The following PCDH12 variants were observed in gnomAD, a reference collection of about 807,000 sequenced individuals.
PCDH12 encodes protocadherin-12.
PCDH12 carries 45 observed loss-of-function variants against 70.9 expected under a neutral mutation model. That is an observed-to-expected ratio of 0.63 (90% CI 0.50 to 0.81). The LOEUF is 0.81. PCDH12 is among the 40% of genes least tolerant of loss of function. The pLI, the probability that PCDH12 is intolerant of heterozygous loss-of-function variation, is 0.00. For missense variants in PCDH12, 1,370 were observed against 1,491.7 expected (o/e 0.92, Z 1.34); for synonymous variants, 567 against 626.0 (o/e 0.91, Z 1.41).
At position 141,956,000 on chromosome 5, in the gene PCDH12, A is replaced by G; in HGVS notation, c.1852T>C (p.Leu618=). 6.2e-7 allele frequency: 1 copy of G among 1,614,122 alleles called. No individual in the cohort carries two copies. Among genetic ancestry groups the G allele is most frequent in the Middle Eastern group, 1.6e-4 (1 of 6,062 alleles). ...LATHSSRPFL[L]TTIVARDADS... ...GCATCTCTTGCCACAATGGTTGTCA[A>G]AAGGAATGGCCGGGAGCTGTGAGTG... Residue 618 remains leucine (L), a synonymous_variant, in exon 1 of 4, where the codon TTG becomes CTG. Transcript: ENST00000231484. The surrounding 1 kb of genome is among the most constrained non-coding windows in gnomAD (Gnocchi z 5.5).
Position 141,955,687 on chromosome 5 carries a change from A to G in PCDH12, c.2165T>C (p.Leu722Pro), listed in dbSNP as rs749447570. The stretch of plus-strand genomic sequence containing the variant: ...CCCGAAGATGCCCAACAGTACAGCC[A>G]GGCAGATCACCGTCAGCATCGACAT... Reference protein sequence around the residue: ...LSMSMLTVICLAVLLGIFGLI... With the variant: ...LSMSMLTVICPAVLLGIFGLI... Residue 722 changes from leucine to proline, a missense_variant, in exon 1 of 4, where the codon CTG (leucine) becomes CCG (proline). By Grantham distance (98) the Leu-to-Pro change is moderately conservative. Coordinates refer to ENST00000231484, the MANE Select transcript of PCDH12 (RefSeq NM_016580.4). The surrounding 1 kb of genome is among the most constrained non-coding windows in gnomAD (Gnocchi z 5.5). 6.8e-6 allele frequency: 11 copies of G among 1,614,142 alleles called. No individual in the cohort carries two copies. Among genetic ancestry groups the G allele is most frequent in the Admixed American group, 1.7e-5 (1 of 60,020 alleles).
At chr5:141,948,297 G>A (rs1346766861) in intron 3 of PCDH12, among the ~76,000 whole-genome samples, 3 of 152,164 alleles carry the variant, frequency 2.0e-5, no homozygotes, top group Non-Finnish European at 4.4e-5. Flanking sequence ...CACATAGAAA[G>A]TGCCCAATAA....
In PCDH12 at chr5:141,945,468, T is replaced by G; in HGVS notation, c.3468A>C (p.Ser1156=). Residue 1156 remains serine, a synonymous_variant, in exon 4 of 4, where the codon TCA becomes TCC. Coordinates refer to ENST00000231484, the MANE Select transcript of PCDH12 (RefSeq NM_016580.4). ...LSLDLATSAA[S]GMKVQGDPGG... ...CTGGGTCCCCTTGCACTTTCATGCCTGAGGCTGCACTGGTGGCCAAGTCTA... is the reference window on the plus strand; with the variant it reads ...CTGGGTCCCCTTGCACTTTCATGCCGGAGGCTGCACTGGTGGCCAAGTCTA... 8 of 1,613,170 alleles carry G rather than the reference T, an allele frequency of 5.0e-6. No individual in the cohort carries two copies. Among genetic ancestry groups the G allele is most frequent in the Non-Finnish European group, 6.8e-6 (8 of 1,179,604 alleles).
chr5:141,946,114 C>T (rs923376487), intron 3 of PCDH12, among the ~76,000 whole-genome samples: 1 of 152,276 alleles, frequency 6.6e-6, no homozygotes, highest in South Asian at 2.1e-4. Flanking sequence ...TTTCCAGTCT[C>T]AGTGTCTTCT....
Position 141,949,670 on chromosome 5 carries a change from C to G in PCDH12, c.2979-87G>C, listed in dbSNP as rs919263122. The G allele has an allele frequency of 4.7e-6, 7 of 1,496,018 alleles. No homozygotes were observed. The Admixed American group carries it at 6.0e-5, about 13-fold the overall frequency. 92.7% of individuals were successfully genotyped at this position (1,496,018 alleles called of 1,614,324 possible). A position where few individuals can be genotyped will look rare whatever the true frequency, so the allele number is the denominator to read the frequency against. ...GCCCATTCATGTTTGCATTCATTTA[C>G]CCATATAGGGAACTGGATACACAGC... On this transcript the variant is annotated intron_variant, in intron 2 of 3. Coordinates refer to ENST00000231484, the MANE Select transcript of PCDH12 (RefSeq NM_016580.4).
intron 2 of PCDH12, among the ~76,000 whole-genome samples, chr5:141,950,763 A>G (rs751763027): frequency 1.1e-4 from 17 of 152,306 alleles, no homozygotes; most frequent in African/African-American, 1.9e-4. Flanking sequence ...CAGCTTTGCC[A>G]CTCACTTGTT....
At position 141,945,291 on chromosome 5, in the gene PCDH12, A is replaced by G; in HGVS notation, c.*90T>C. 6.8e-7 allele frequency: 1 copy of G among 1,462,028 alleles called. No homozygotes were observed. The highest frequency in any genetic ancestry group is 1.3e-5 in the South Asian group (1 of 74,562). 90.6% of individuals were successfully genotyped at this position (1,462,028 alleles called of 1,614,324 possible). A position where few individuals can be genotyped will look rare whatever the true frequency, so the allele number is the denominator to read the frequency against. On this transcript the variant is annotated 3_prime_UTR_variant, in exon 4 of 4. Transcript: ENST00000231484. ...ACCCTAAAGTTCTCAGGCCGCCGCTAGCTAGTGAGTTACAAGATTTTAGAA... is the reference window on the plus strand; with the variant it reads ...ACCCTAAAGTTCTCAGGCCGCCGCTGGCTAGTGAGTTACAAGATTTTAGAA...
chr5:141,954,911 C>G, intron 1 of PCDH12, 61 bp downstream of exon 1: 1 of 1,545,524 alleles, frequency 6.5e-7, no homozygotes, highest in Non-Finnish European at 8.7e-7. Flanking sequence ...ATGGGGGTGT[C>G]TGATTCTGTT....
rs1013289197 is a variant in PCDH12 at position 141,949,545 on chromosome 5, G to A, written c.3017C>T (p.Ala1006Val). 10 of 1,614,036 alleles carry A rather than the reference G, an allele frequency of 6.2e-6. No homozygotes were observed. In the Admixed American group the frequency reaches 8.3e-5, roughly 13 times the overall value. The change falls in exon 3 of 4, where the codon GCT becomes GTT. Residue 1006 changes from alanine to valine, a missense_variant. By Grantham distance (64) the Ala-to-Val change is moderately conservative. Transcript: ENST00000231484. ...IPDTDGPSARAGGQTDPEQEE... is the reference protein window; with the variant it reads ...IPDTDGPSARVGGQTDPEQEE... ...CTGTTCTGGGTCTGTCTGGCCTCCAGCCCTTGCACTTGGGCCATCTGTGTC... is the reference window on the plus strand; with the variant it reads ...CTGTTCTGGGTCTGTCTGGCCTCCAACCCTTGCACTTGGGCCATCTGTGTC...
rs1025690602 is a variant in PCDH12, at chr5:141,945,634, G to A, written c.3302C>T (p.Thr1101Ile). ...AAAGGTGCTGGCCAGCCTCGTGCCT[G>A]TTGGGCTCAGCTCTGGTGCCTCTGC... ...GKAEAPELSP[T>I]GTRLASTFVS... Residue 1101 changes from threonine (T) to isoleucine (I), a missense_variant, in exon 4 of 4, where the codon ACA becomes ATA. Thr to Ile is a moderately conservative substitution (Grantham distance 89). Transcript: ENST00000231484. 1.2e-6 allele frequency: 2 copies of A among 1,614,120 alleles called. No individual in the cohort carries two copies. Among genetic ancestry groups the A allele is most frequent in the African/African-American group, 1.3e-5 (1 of 74,950 alleles).
In PCDH12 at chr5:141,957,859, G is replaced by A. The variant is rs781466478; in HGVS notation, c.-8C>T. 3.1e-6 allele frequency: 5 copies of A among 1,592,850 alleles called. No individual in the cohort carries two copies. In the African/African-American group the frequency reaches 4.0e-5, roughly 13 times the overall value. On this transcript the variant is annotated 5_prime_UTR_variant, in exon 1 of 4. Coordinates refer to ENST00000231484, the MANE Select transcript of PCDH12 (RefSeq NM_016580.4). This position sits in a 1 kb window ranked among gnomAD's most constrained non-coding sequence, Gnocchi z 4.3. ...TTGCAGAAGTTGCATCATGCTTACC[G>A]CCAAGTGGGCTAGATTCAGAAACCA...
chr5:141,951,384 G>A (rs1753077964), intron 2 of PCDH12, 109 bp downstream of exon 2: 1 of 803,322 alleles, frequency 1.2e-6, no homozygotes, highest in African/African-American at 1.7e-5. Flanking sequence ...ACCCTCCCAG[G>A]GGACCGGTGT....
chr5:141,958,029 A>G lies in PCDH12; in HGVS notation c.-178T>C. 1.4e-6 allele frequency: 1 copy of G among 692,130 alleles called. No homozygotes were observed. Among genetic ancestry groups the G allele is most frequent in the Non-Finnish European group, 2.4e-6 (1 of 424,518 alleles). 42.9% of individuals were successfully genotyped at this position (692,130 alleles called of 1,614,324 possible). On this transcript the variant is annotated 5_prime_UTR_variant, in exon 1 of 4. An upstream start codon of the reference 5' UTR is lost. Transcript: ENST00000231484. ...ACAAGCAGGACCCCAAGGCAAGGCCATCTTCATTGGAAGCGATCTGAGATG... is the reference window on the plus strand; with the variant it reads ...ACAAGCAGGACCCCAAGGCAAGGCCGTCTTCATTGGAAGCGATCTGAGATG...
intron 3 of PCDH12, among the ~76,000 whole-genome samples, chr5:141,946,462 A>G (rs533181126): frequency 2.0e-5 from 3 of 152,302 alleles, no homozygotes; most frequent in South Asian, 4.1e-4. Flanking sequence ...TTTGAAGCCT[A>G]TGATGGCACC....
chr5:141,954,826 C>G (rs1596645987), intron 1 of PCDH12, 146 bp downstream of exon 1: 2 of 1,089,040 alleles, frequency 1.8e-6, no homozygotes, highest in East Asian at 4.8e-5. Flanking sequence ...AAAGCTGTGC[C>G]CTGAACCATT....
Position 141,957,735 on chromosome 5 carries a change from T to C in PCDH12, c.117A>G (p.Glu39=). ...TCCCGATCACTGTACCAGATGGCACTTCCTCTGACACTTGGTATTTCACCG... is the reference window on the plus strand; with the variant it reads ...TCCCGATCACTGTACCAGATGGCACCTCCTCTGACACTTGGTATTTCACCG... The part of the protein sequence containing the change: ...TLTVKYQVSE[E]VPSGTVIGKL... The change falls in exon 1 of 4, where the codon GAA becomes GAG. Residue 39 remains glutamate (E), a synonymous_variant. Transcript: ENST00000231484. The surrounding 1 kb of genome is among the most constrained non-coding windows in gnomAD (Gnocchi z 4.3). 1 of 1,613,840 alleles carries C rather than the reference T, an allele frequency of 6.2e-7. No homozygotes were observed.
chr5:141,955,728 C>T lies in PCDH12; in HGVS notation c.2124G>A (p.Lys708=), dbSNP rs755338256. ...SVDHLRDSAR[K]PGALSMSMLT... Reference sequence around the variant, plus strand: ...GCATCGACATGCTCAAGGCCCCAGGCTTGCGGGCTGAGTCCCTCAGGTGGT... The same window carrying T: ...GCATCGACATGCTCAAGGCCCCAGGTTTGCGGGCTGAGTCCCTCAGGTGGT... The change falls in exon 1 of 4, where the codon AAG becomes AAA. Residue 708 remains lysine (K), a synonymous_variant. Coordinates refer to ENST00000231484, the MANE Select transcript of PCDH12 (RefSeq NM_016580.4). The surrounding 1 kb of genome is among the most constrained non-coding windows in gnomAD (Gnocchi z 5.5). The T allele has an allele frequency of 2.5e-6, 4 of 1,614,164 alleles. No individual in the cohort carries two copies. The highest frequency in any genetic ancestry group is 3.4e-6 in the Non-Finnish European group (4 of 1,180,014).
At chr5:141,954,898 G>T in intron 1 of PCDH12, 74 bp downstream of exon 1, 1 of 1,528,876 alleles carries the variant, frequency 6.5e-7, no homozygotes, top group South Asian at 1.3e-5. Flanking sequence ...GACTGTGCAG[G>T]TTATGGGGGT....
Position 141,958,045 on chromosome 5 carries a change from A to C in PCDH12, c.-194T>G. ...GGCAAGGCCATCTTCATTGGAAGCGATCTGAGATGTCCAAACGCCGATCAA... is the reference window on the plus strand; with the variant it reads ...GGCAAGGCCATCTTCATTGGAAGCGCTCTGAGATGTCCAAACGCCGATCAA... On this transcript the variant is annotated 5_prime_UTR_variant, in exon 1 of 4. Transcript: ENST00000231484. 1 of 637,482 alleles carries C rather than the reference A, an allele frequency of 1.6e-6. No individual in the cohort carries two copies. Among genetic ancestry groups the C allele is most frequent in the Non-Finnish European group, 2.6e-6 (1 of 377,790 alleles). The allele number at this position is 637,482 out of a possible 1,614,324, so 39.5% of individuals were successfully genotyped here.
Sources: gnomAD v4.1 joint callset for allele counts (sites outside exome capture counted in the v4.1 genomes callset) on GRCh38, gnomAD v4.1.1 for gene constraint, Gnocchi (gnomAD v3.1) non-coding constraint, MANE v1.5 for transcripts, NCBI Gene and HGNC (gene_info 2026-07-23, HGNC 2026-07-21) for gene names.